Variants in EXOC4 observed in about 807,000 individuals in gnomAD.
EXOC4 encodes exocyst complex component 4.
In EXOC4, 71 loss-of-function variants were observed where a neutral mutation model predicts 107.2. That is an observed-to-expected ratio of 0.66 (90% CI 0.55 to 0.81). The LOEUF is 0.81. Among genes scored for constraint, EXOC4 ranks in the 30% least tolerant of loss-of-function variants. The pLI is 0.00. For synonymous variants in EXOC4, 456 were observed against 441.2 expected, an observed-to-expected ratio of 1.03 and a Z score of -0.42; for missense variants, 1,108 against 1,189.6, an observed-to-expected ratio of 0.93 and a Z score of 1.01.
intron 10 of EXOC4, among the ~76,000 whole-genome samples, chr7:133,678,027 A>T (rs1173429601): frequency 6.6e-6 from 1 of 152,224 alleles, no homozygotes; most frequent in African/African-American, 2.4e-5. Flanking sequence ...TGAAATCAAT[A>T]ATAACCTTTT....
chr7:134,061,224 G>A (rs1464201297), intron 17 of EXOC4, among the ~76,000 whole-genome samples: 1 of 152,160 alleles, frequency 6.6e-6, no homozygotes, highest in African/African-American at 2.4e-5. Flanking sequence ...ATTTCATCTG[G>A]CATGATGGGC....
intron 9 of EXOC4, among the ~76,000 whole-genome samples, chr7:133,625,298 C>G (rs1295075335): frequency 6.6e-6 from 1 of 152,182 alleles, no homozygotes; most frequent in African/African-American, 2.4e-5. Flanking sequence ...CGTTACTTCC[C>G]TTAAACATCA....
At chr7:133,687,761 AT>A (rs1287786197) in intron 10 of EXOC4, among the ~76,000 whole-genome samples, 2 of 152,034 alleles carry the variant, frequency 1.3e-5, no homozygotes, top group Non-Finnish European at 2.9e-5. Context: ...ACAAGTGCTA[AT>A]TTTTCTCCTA....
intron 11 of EXOC4, among the ~76,000 whole-genome samples, chr7:133,834,423 A>G (rs1020626925): frequency 3.3e-5 from 5 of 152,156 alleles, no homozygotes; most frequent in Admixed American, 2.6e-4. Flanking sequence ...AGATTGTACA[A>G]CCTTACCCTG....
chr7:133,629,722 T>A lies in EXOC4; in HGVS notation c.1418-323T>A, dbSNP rs547741931. ...TGCCTGGCTAATTTTTTTTTTTTTT[T>A]AATAGAGATGGGGTTTCACCATATT... On this transcript the variant is annotated intron_variant, in intron 9 of 17. Coordinates refer to ENST00000253861, the MANE Select transcript of EXOC4 (RefSeq NM_021807.4). Among the ~76,000 whole-genome samples the A allele has an allele frequency of 1.6e-4, 24 of 151,648 alleles. 1 individual carries two copies. Among genetic ancestry groups the A allele is most frequent in the African/African-American group, 5.8e-4 (24 of 41,320 alleles).
At chr7:133,701,552 C>T (rs938003877) in intron 10 of EXOC4, among the ~76,000 whole-genome samples, 3 of 152,122 alleles carry the variant, frequency 2.0e-5, no homozygotes, top group Non-Finnish European at 4.4e-5. Context: ...GCCCTATATA[C>T]ACTGTGTTTT....
intron 7 of EXOC4, among the ~76,000 whole-genome samples, chr7:133,432,218 GA>G (rs1221475851): frequency 1.4e-5 from 2 of 147,720 alleles, no homozygotes; most frequent in African/African-American, 2.5e-5. Context: ...GGATAGTGAG[GA>G]AAAAAAAACA....
intron 7 of EXOC4, among the ~76,000 whole-genome samples, chr7:133,453,677 A>G (rs1196182470): frequency 1.3e-5 from 2 of 152,132 alleles, no homozygotes; most frequent in Non-Finnish European, 2.9e-5. Context: ...GCATAAGCTT[A>G]TGCATACCTT....
intron 10 of EXOC4, among the ~76,000 whole-genome samples, chr7:133,793,746 G>A (rs1796753488): frequency 6.6e-6 from 1 of 152,114 alleles, no homozygotes; most frequent in Non-Finnish European, 1.5e-5. Flanking sequence ...CCAGGAGGCT[G>A]AGGCAGGAGA....
At chr7:133,791,051 A>G (rs1213913516) in intron 10 of EXOC4, among the ~76,000 whole-genome samples, 1 of 152,212 alleles carries the variant, frequency 6.6e-6, no homozygotes, top group African/African-American at 2.4e-5. Context: ...GAAGGTTTTA[A>G]TCACTGGAAT....
intron 9 of EXOC4, among the ~76,000 whole-genome samples, chr7:133,610,663 G>C (rs1027618946): frequency 2.0e-5 from 3 of 151,794 alleles, no homozygotes; most frequent in Non-Finnish European, 4.4e-5. Flanking sequence ...TCTTAAACCT[G>C]CTTTCCTCTG....
At chr7:133,549,189 C>T (rs966635132) in intron 9 of EXOC4, among the ~76,000 whole-genome samples, 1 of 151,944 alleles carries the variant, frequency 6.6e-6, no homozygotes, top group Non-Finnish European at 1.5e-5. Flanking sequence ...AGACGGGTTT[C>T]ACTGTGTTGT....
chr7:133,872,132 A>G (rs1230508809), intron 11 of EXOC4, among the ~76,000 whole-genome samples: 1 of 152,172 alleles, frequency 6.6e-6, no homozygotes. Flanking sequence ...AAAGGTGGGG[A>G]TCAGGAAGGG....
At chr7:134,098,590 T>C in the EXOC4 span, among the ~76,000 whole-genome samples, 12 of 152,162 alleles carry the variant, frequency 7.9e-5, no homozygotes, top group Non-Finnish European at 5.9e-5. Context: ...ACATCAGTAC[T>C]TCAGGGGTAG....
At chr7:133,717,511 G>A (rs1487316809) in intron 10 of EXOC4, among the ~76,000 whole-genome samples, 1 of 152,040 alleles carries the variant, frequency 6.6e-6, no homozygotes, top group Non-Finnish European at 1.5e-5. Context: ...TAAATTTTTT[G>A]AATATATTGT....
chr7:133,395,265 T>C (rs1480720344), intron 7 of EXOC4, among the ~76,000 whole-genome samples: 1 of 152,098 alleles, frequency 6.6e-6, no homozygotes, highest in East Asian at 1.9e-4. Flanking sequence ...AGTCTTAAAA[T>C]TTTTCTCTAC....
intron 10 of EXOC4, among the ~76,000 whole-genome samples, chr7:133,637,404 T>G (rs1464350107): frequency 6.6e-6 from 1 of 152,222 alleles, no homozygotes; most frequent in Non-Finnish European, 1.5e-5. Flanking sequence ...ACATTGATAC[T>G]TATTTAGCAG....
chr7:133,884,481 A>G (rs1328790310), intron 11 of EXOC4, among the ~76,000 whole-genome samples: 2 of 151,928 alleles, frequency 1.3e-5, no homozygotes, highest in South Asian at 2.1e-4. Context: ...GCCACTCCCA[A>G]ATTACCTAGC....
At position 133,865,396 on chromosome 7, in the gene EXOC4, C is replaced by T. The variant is rs73155127; in HGVS notation, c.1735-30203C>T. Among the ~76,000 whole-genome samples the T allele has an allele frequency of 4.8e-3, 730 of 152,302 alleles. 4 individuals are homozygous for T. Among genetic ancestry groups the T allele is most frequent in the Non-Finnish European group, 7.8e-3 (534 of 68,030 alleles). On this transcript the variant is annotated intron_variant, in intron 11 of 17. Transcript: ENST00000253861. ...GCGTATGCCAACAGTTCTTTTAAATCATGGTAATATTCTGAACATACAATT... is the reference window on the plus strand; with the variant it reads ...GCGTATGCCAACAGTTCTTTTAAATTATGGTAATATTCTGAACATACAATT...
Sources: gnomAD v4.1 joint callset for allele counts (sites outside exome capture counted in the v4.1 genomes callset) on GRCh38, gnomAD v4.1.1 for gene constraint, MANE v1.5 for transcripts, NCBI Gene and HGNC (gene_info 2026-07-23, HGNC 2026-07-21) for gene names.